Variants in BICRA observed in about 807,000 individuals in gnomAD.
The protein encoded by BICRA is BRD4 interacting chromatin remodeling complex associated protein.
BICRA carries 31 observed loss-of-function variants against 96.9 expected under a neutral mutation model. That is an observed-to-expected ratio of 0.32 (90% CI 0.24 to 0.43). The LOEUF (loss-of-function observed/expected upper bound fraction) is 0.43. Ranked by LOEUF, BICRA falls within the 20% of genes least tolerant of loss-of-function variation. The pLI is 1.00. For missense variants in BICRA, 2,283 were observed against 2,190.3 expected, an observed-to-expected ratio of 1.04 and a Z score of -0.84; for synonymous variants, 1,350 against 1,071.8, an observed-to-expected ratio of 1.26 and a Z score of -5.07.
In BICRA at chr19:47,610,376, G is replaced by C. The variant is rs1971884398; in HGVS notation, c.-108+1208G>C. Among the ~76,000 whole-genome samples, 2 of 152,222 alleles carry C rather than the reference G, an allele frequency of 1.3e-5. 1 individual carries two copies. Among genetic ancestry groups the C allele is most frequent in the Non-Finnish European group, 2.9e-5 (2 of 68,036 alleles). ...AAGGAGCCGCGGGAGAGCTAGGCTC[G>C]GGCTCGGGCGCCGGCGGTGATTGGG... On this transcript the variant is annotated intron_variant, in intron 1 of 14. Coordinates refer to ENST00000594866, the MANE Select transcript of BICRA (RefSeq NM_001394372.1).
chr19:47,609,759 A>G (rs1971869541), intron 1 of BICRA, among the ~76,000 whole-genome samples: 1 of 151,424 alleles, frequency 6.6e-6, no homozygotes, highest in African/African-American at 2.4e-5. Context: ...CCCTCCCCAA[A>G]TCCCTCCCGT....
Position 47,675,973 on chromosome 19 carries a change from G to C in BICRA, c.150+57G>C, listed in dbSNP as rs1000282164. 1.9e-5 allele frequency: 24 copies of C among 1,294,552 alleles called. No homozygotes were observed. The highest frequency in any genetic ancestry group is 1.3e-5 in the Non-Finnish European group (12 of 913,650). 80.2% of individuals were successfully genotyped at this position (1,294,552 alleles called of 1,614,324 possible). A position where few individuals can be genotyped will look rare whatever the true frequency, so the allele number is the denominator to read the frequency against. On this transcript the variant is annotated intron_variant, in intron 5 of 14. Transcript: ENST00000594866. The surrounding 1 kb of genome is among the most constrained non-coding windows in gnomAD (Gnocchi z 4.7). Reference sequence around the variant, plus strand: ...GCTGTTGGGGCTGCCAGCGGGAGGAGGGCCCTGAAGCCAAGAGGGGAGGCT... The same window carrying C: ...GCTGTTGGGGCTGCCAGCGGGAGGACGGCCCTGAAGCCAAGAGGGGAGGCT...
chr19:47,619,002 C>T (rs528405013), intron 1 of BICRA, among the ~76,000 whole-genome samples: 4 of 152,156 alleles, frequency 2.6e-5, no homozygotes, highest in South Asian at 2.1e-4. Flanking sequence ...TCACCTGGCA[C>T]GCATAGTGTC....
chr19:47,681,334 G>C (rs1261681744), intron 6 of BICRA, 58 bp downstream of exon 6: 1 of 1,454,790 alleles, frequency 6.9e-7, no homozygotes, highest in Admixed American at 2.0e-5. Context: ...GGAGGAAGAG[G>C]GGTCCTGGGG....
rs1326802104 is a variant in BICRA, at chr19:47,618,995, C to T, written c.-108+9827C>T. Among the ~76,000 whole-genome samples the T allele has an allele frequency of 3.3e-5, 5 of 152,136 alleles. No homozygotes were observed. The South Asian group carries it at 6.2e-4, about 19-fold the overall frequency. ...GTTAGCTGGACTATAACCTCCATCACCTGGCACGCATAGTGTCTCATTGAC... is the reference window on the plus strand; with the variant it reads ...GTTAGCTGGACTATAACCTCCATCATCTGGCACGCATAGTGTCTCATTGAC... On this transcript the variant is annotated intron_variant, in intron 1 of 14. Transcript: ENST00000594866.
chr19:47,681,571 AG>A, intron 6 of BICRA, among the ~76,000 whole-genome samples: 1 of 152,132 alleles, frequency 6.6e-6, no homozygotes, highest in Admixed American at 6.5e-5. Context: ...ACCAGTGAAC[AG>A]ACAGAAGGGT....
chr19:47,669,085 T>C (rs2123570923), intron 1 of BICRA, among the ~76,000 whole-genome samples: 3 of 151,766 alleles, frequency 2.0e-5, no homozygotes. Flanking sequence ...GCCTGGGTGA[T>C]AGAGCAAGAC....
At chr19:47,685,786 T>TGTGCGCGCGCGCGTGC in intron 7 of BICRA, among the ~76,000 whole-genome samples, 1 of 117,930 alleles carries the variant, frequency 8.5e-6, no homozygotes, top group Non-Finnish European at 1.7e-5. Flanking sequence ...TGTGTGTGTG[T>TGTGCGCGCGCGCGTGC]GCGCGCGCGC....
Position 47,664,571 on chromosome 19 carries a change from C to T in BICRA, c.-107-5872C>T, listed in dbSNP as rs146243175. On this transcript the variant is annotated intron_variant, in intron 1 of 14. Coordinates refer to ENST00000594866, the MANE Select transcript of BICRA (RefSeq NM_001394372.1). ...GTAAGATGTGCATCAGCAGTGCTTC[C>T]GTGGGGATGGGGAGGGATCGGTGGG... Among the ~76,000 whole-genome samples, 42 of 152,222 alleles carry T rather than the reference C, an allele frequency of 2.8e-4. 1 individual carries two copies. The highest frequency in any genetic ancestry group is 2.1e-3 in the Admixed American group (32 of 15,284).
chr19:47,662,245 T>C (rs1451994535), intron 1 of BICRA: 2 of 152,658 alleles, frequency 1.3e-5, no homozygotes. Context: ...GGACAGCTGG[T>C]GACTGCGTCT....
chr19:47,666,731 C>A (rs115788826), intron 1 of BICRA, among the ~76,000 whole-genome samples: 49 of 152,152 alleles, frequency 3.2e-4, no homozygotes, highest in African/African-American at 1.2e-3. Context: ...ACCACCACCC[C>A]CTGGCTAATT....
Position 47,680,702 on chromosome 19 carries a change from C to T in BICRA, c.1532C>T (p.Ala511Val). 1 of 1,601,234 alleles carries T rather than the reference C, an allele frequency of 6.2e-7. No homozygotes were observed. Among genetic ancestry groups the T allele is most frequent in the Non-Finnish European group, 8.5e-7 (1 of 1,174,506 alleles). The change falls in exon 6 of 15, where the codon GCG becomes GTG. Residue 511 changes from alanine to valine, a missense_variant. Coordinates refer to ENST00000594866, the MANE Select transcript of BICRA (RefSeq NM_001394372.1). ...CCCCACACAGGTGGACAGCTCATCG[C>T]GAACCCCATCCTCACAAACCAGAAC... is the stretch of plus-strand genomic sequence containing the variant. ...AAPHTGGQLI[A>V]NPILTNQNLA...
chr19:47,615,374 G>T (rs1378661716), intron 1 of BICRA, among the ~76,000 whole-genome samples: 1 of 152,210 alleles, frequency 6.6e-6, no homozygotes, highest in African/African-American at 2.4e-5. Context: ...GGCTGCACGT[G>T]TCTTTGCCTC....
At position 47,701,984 on chromosome 19, in the gene BICRA, C is replaced by T; in HGVS notation, c.4252C>T (p.Pro1418Ser). ...RARGGSPAPL[P>S]AKVDEATSGL... The stretch of plus-strand genomic sequence containing the variant: ...ACGGGGAGGCAGCCCGGCGCCGCTG[C>T]CCGCCAAAGTGGACGAGGCCACCAG... The change falls in exon 15 of 15, where the codon CCC becomes TCC. Residue 1418 changes from proline to serine, a missense_variant. Pro to Ser is a moderately conservative substitution (Grantham distance 74). Transcript: ENST00000594866. The surrounding 1 kb of genome is among the most constrained non-coding windows in gnomAD (Gnocchi z 5.4). The T allele has an allele frequency of 1.4e-6, 2 of 1,475,330 alleles. No individual in the cohort carries two copies. The highest frequency in any genetic ancestry group is 1.8e-6 in the Non-Finnish European group (2 of 1,122,702). The allele number at this position is 1,475,330 out of a possible 1,614,324, so 91.4% of individuals were successfully genotyped here.
At chr19:47,679,296 C>G in intron 5 of BICRA, 25 bp from the exon 6 acceptor site, 1 of 1,416,342 alleles carries the variant, frequency 7.1e-7, no homozygotes, top group East Asian at 2.8e-5. Flanking sequence ...TCAGCTCTTT[C>G]CTTCCCACCT....
intron 1 of BICRA, among the ~76,000 whole-genome samples, chr19:47,614,673 A>G (rs1457425155): frequency 6.6e-6 from 1 of 152,200 alleles, no homozygotes; most frequent in Non-Finnish European, 1.5e-5. Flanking sequence ...CACAGATGGT[A>G]GTCTGGTCTA....
intron 1 of BICRA, among the ~76,000 whole-genome samples, chr19:47,610,617 C>T (rs115937872): frequency 1.4e-5 from 2 of 146,420 alleles, no homozygotes; most frequent in East Asian, 4.1e-4. Flanking sequence ...CACCCCCCCC[C>T]CACACACACA....
chr19:47,620,503 C>CA, intron 1 of BICRA, among the ~76,000 whole-genome samples: 1 of 151,408 alleles, frequency 6.6e-6, no homozygotes, highest in East Asian at 1.9e-4. Flanking sequence ...CCCGTCTCTA[C>CA]AAAAAAATAC....
Position 47,698,917 on chromosome 19 carries a change from C to T in BICRA, c.3398-48C>T, listed in dbSNP as rs934310280. The T allele has an allele frequency of 6.2e-6, 9 of 1,449,040 alleles. No individual in the cohort carries two copies. The highest frequency in any genetic ancestry group is 3.9e-5 in the Admixed American group (2 of 51,388). 89.8% of individuals were successfully genotyped at this position (1,449,040 alleles called of 1,614,324 possible). A position where few individuals can be genotyped will look rare whatever the true frequency, so the allele number is the denominator to read the frequency against. ...CCCCGCCCTCCTTCCTGCGCATCCG[C>T]GGCCGCCCCCAACATCTCCGCCCTT... On this transcript the variant is annotated intron_variant, in intron 12 of 14. Coordinates refer to ENST00000594866, the MANE Select transcript of BICRA (RefSeq NM_001394372.1). The surrounding 1 kb of genome is among the most constrained non-coding windows in gnomAD (Gnocchi z 4.8).
Sources: allele counts gnomAD v4.1 joint callset (sites outside exome capture counted in the v4.1 genomes callset), GRCh38; gene constraint gnomAD v4.1.1; non-coding constraint Gnocchi (gnomAD v3.1); transcripts MANE v1.5; gene names NCBI Gene and HGNC (gene_info 2026-07-23, HGNC 2026-07-21).